Variants in UMAD1 observed in about 807,000 individuals in gnomAD.
UMAD1 encodes the protein UBAP1-MVB12-associated (UMA)-domain containing protein 1.
UMAD1 carries 8 observed loss-of-function variants against 6.1 expected under a neutral mutation model. The observed-to-expected ratio is 1.30, with a 90% confidence interval of 0.76 to 2.35. The LOEUF is 2.35. Among genes scored for constraint, UMAD1 ranks in the 30% most tolerant of loss-of-function variants. The pLI, the probability that UMAD1 is intolerant of heterozygous loss-of-function variation, is 0.00. For missense variants in UMAD1, 130 were observed against 78.4 expected, an observed-to-expected ratio of 1.66 and a Z score of -2.49; for synonymous variants, 56 against 31.4, an observed-to-expected ratio of 1.78 and a Z score of -2.61.
chr7:7,641,258 C>T (rs762865709), intron 1 of UMAD1: 2 of 152,272 alleles, frequency 1.3e-5, no homozygotes, highest in Admixed American at 1.3e-4. Context: ...CCGGTTCTTT[C>T]ACCCCGCTAA....
intron 3 of UMAD1, among the ~76,000 whole-genome samples, chr7:7,829,487 AAG>A (rs1323543155): frequency 6.6e-6 from 1 of 151,776 alleles, no homozygotes; most frequent in Non-Finnish European, 1.5e-5. Flanking sequence ...CCTGGATAAA[AAG>A]TTAAAGCCCA....
Position 7,798,640 on chromosome 7 carries a change from T to C in UMAD1, c.83-3030T>C, listed in dbSNP as rs79554189. 6.6e-3 allele frequency among the ~76,000 whole-genome samples: 1,008 copies of C among 152,318 alleles called. 18 individuals carry two copies. Among genetic ancestry groups the C allele is most frequent in the African/African-American group, 0.023 (966 of 41,578 alleles). ...CCTTCAGAGCTCCCTATCAGAGCCC[T>C]TGGCTCCTCTCTTCACACCCTGTTC... On this transcript the variant is annotated intron_variant, in intron 2 of 3. Transcript: ENST00000682710.
At chr7:7,707,430 A>T (rs1021183384) in intron 2 of UMAD1, among the ~76,000 whole-genome samples, 7 of 152,202 alleles carry the variant, frequency 4.6e-5, no homozygotes, top group African/African-American at 1.7e-4. Flanking sequence ...CAGCAATGTT[A>T]CCTTGGGTAA....
chr7:7,714,082 G>T (rs1338488114), intron 2 of UMAD1, among the ~76,000 whole-genome samples: 3 of 152,162 alleles, frequency 2.0e-5, no homozygotes, highest in Non-Finnish European at 2.9e-5. Context: ...TTTTTTGTGT[G>T]TTATCTTTTT....
intron 2 of UMAD1, among the ~76,000 whole-genome samples, chr7:7,783,827 T>C (rs1000092092): frequency 2.6e-5 from 4 of 152,200 alleles, no homozygotes; most frequent in African/African-American, 9.7e-5. Flanking sequence ...TGTACAATGT[T>C]ATAAAATGAT....
At chr7:7,685,170 T>C (rs1780012135) in intron 2 of UMAD1, among the ~76,000 whole-genome samples, 1 of 152,198 alleles carries the variant, frequency 6.6e-6, no homozygotes, top group African/African-American at 2.4e-5. Flanking sequence ...TTGGAAGACC[T>C]GAATGTCTTT....
intron 1 of UMAD1, among the ~76,000 whole-genome samples, chr7:7,653,089 T>G (rs1211555658): frequency 2.0e-5 from 3 of 152,248 alleles, no homozygotes; most frequent in African/African-American, 7.2e-5. Context: ...TTTATGATAT[T>G]TGTTTTATGT....
intron 3 of UMAD1, among the ~76,000 whole-genome samples, chr7:7,863,690 T>G (rs6963519): frequency 0.013 from 1,970 of 152,222 alleles, 43 homozygotes; most frequent in African/African-American, 0.045. Context: ...CAAGAGCCAA[T>G]GGAGAAATAA....
intron 2 of UMAD1, chr7:7,740,604 C>T (rs576160191): frequency 4.3e-4 from 66 of 152,246 alleles, no homozygotes; most frequent in African/African-American, 1.5e-3. Flanking sequence ...TCATACTGTT[C>T]GTAACACTAT....
Position 7,760,410 on chromosome 7 carries a change from CAAAATA to C in UMAD1, c.83-41258_83-41253del, listed in dbSNP as rs879775982. On this transcript the variant is annotated intron_variant, in intron 2 of 3. Coordinates refer to ENST00000682710, the MANE Select transcript of UMAD1 (RefSeq NM_001302348.2). ...TCTCTACTAAAAATACAAAAAAATA[CAAAATA>C]ATAATAATAATAATAATAATAATAA... is the stretch of plus-strand genomic sequence containing the variant. Among the ~76,000 whole-genome samples, 874 of 106,590 alleles carry C rather than the reference CAAAATA, an allele frequency of 8.2e-3. 4 individuals are homozygous for C. Among genetic ancestry groups the C allele is most frequent in the Non-Finnish European group, 0.012 (651 of 53,448 alleles). 69.9% of individuals were successfully genotyped at this position (106,590 alleles called of 152,430 possible).
At chr7:7,716,655 A>AGGCCGGCGC (rs766158371) in intron 2 of UMAD1, among the ~76,000 whole-genome samples, 16 of 152,228 alleles carry the variant, frequency 1.1e-4, no homozygotes, top group Middle Eastern at 3.2e-3. Flanking sequence ...ATTAGGGTGG[A>AGGCCGGCGC]GGCCGGCGCG....
At chr7:7,701,316 G>A (rs1408745561) in intron 2 of UMAD1, among the ~76,000 whole-genome samples, 2 of 152,150 alleles carry the variant, frequency 1.3e-5, no homozygotes, top group African/African-American at 4.8e-5. Context: ...GGGAAACTAG[G>A]TTAGGGGACC....
At chr7:7,707,307 T>C (rs779401576) in intron 2 of UMAD1, among the ~76,000 whole-genome samples, 5 of 152,150 alleles carry the variant, frequency 3.3e-5, no homozygotes, top group African/African-American at 4.8e-5. Flanking sequence ...CTCAGAAGAC[T>C]TCAGAAAATA....
intron 2 of UMAD1, among the ~76,000 whole-genome samples, chr7:7,784,459 C>T (rs529830406): frequency 6.6e-6 from 1 of 151,714 alleles, no homozygotes; most frequent in South Asian, 2.1e-4. Flanking sequence ...CCTCAGCCTC[C>T]CGAGTAGCTG....
intron 1 of UMAD1, among the ~76,000 whole-genome samples, chr7:7,645,596 T>C (rs1263641598): frequency 6.6e-6 from 1 of 152,222 alleles, no homozygotes; most frequent in African/African-American, 2.4e-5. Flanking sequence ...AATTTCTGTT[T>C]ATTAGATTAA....
chr7:7,843,749 G>T (rs1783731960), intron 3 of UMAD1, among the ~76,000 whole-genome samples: 1 of 152,106 alleles, frequency 6.6e-6, no homozygotes, highest in South Asian at 2.1e-4. Flanking sequence ...GTGATTCTTA[G>T]ATAAAATCCT....
intron 2 of UMAD1, among the ~76,000 whole-genome samples, chr7:7,725,575 T>C (rs908785792): frequency 6.6e-6 from 1 of 152,226 alleles, no homozygotes; most frequent in African/African-American, 2.4e-5. Flanking sequence ...CGTTTGACTA[T>C]GGATCATCAA....
intron 2 of UMAD1, among the ~76,000 whole-genome samples, chr7:7,724,712 T>A (rs1315781631): frequency 6.6e-6 from 1 of 152,256 alleles, no homozygotes; most frequent in Non-Finnish European, 1.5e-5. Flanking sequence ...TTGCAGCTGC[T>A]ATACCAGATG....
chr7:7,831,089 A>G (rs1474410739), intron 3 of UMAD1, among the ~76,000 whole-genome samples: 4 of 152,188 alleles, frequency 2.6e-5, no homozygotes, highest in African/African-American at 9.6e-5. Flanking sequence ...AATTATTTGT[A>G]TGAAGTTAGA....
Sources: gnomAD v4.1 joint callset for allele counts (sites outside exome capture counted in the v4.1 genomes callset) on GRCh38, gnomAD v4.1.1 for gene constraint, MANE v1.5 for transcripts, NCBI Gene and HGNC (gene_info 2026-07-23, HGNC 2026-07-21) for gene names.